SCEL: variants seen among roughly 807,000 people sequenced by gnomAD.
The protein encoded by SCEL is sciellin.
Under a neutral mutation model 117.6 loss-of-function variants are expected in SCEL, and 113 were observed. The observed-to-expected ratio is 0.96, with a 90% CI of 0.83 to 1.12. The LOEUF (loss-of-function observed/expected upper bound fraction) is 1.12. SCEL is among the 50% of genes most tolerant of loss of function. The probability of loss-of-function intolerance (pLI) is 0.00; values close to 1 mark genes in which losing one functional copy is unlikely to be tolerated. For synonymous variants in SCEL, 270 were observed against 256.2 expected (o/e 1.05, Z -0.51); for missense variants, 785 against 810.8 (o/e 0.97, Z 0.39).
intron 12 of SCEL, among the ~76,000 whole-genome samples, chr13:77,595,972 G>C (rs962070109): frequency 1.3e-5 from 2 of 148,462 alleles, no homozygotes; most frequent in South Asian, 2.1e-4. Flanking sequence ...CTTAGCAATT[G>C]CATCTCTCTC....
chr13:77,620,698 T>C (rs1315143204), intron 27 of SCEL, among the ~76,000 whole-genome samples: 1 of 152,188 alleles, frequency 6.6e-6, no homozygotes, highest in Admixed American at 6.5e-5. Context: ...TGTGTTAGAC[T>C]GATTATTAAA....
At chr13:77,585,785 C>G (rs532359537) in intron 9 of SCEL, among the ~76,000 whole-genome samples, 146 of 152,310 alleles carry the variant, frequency 9.6e-4, no homozygotes, top group Non-Finnish European at 1.7e-3. Flanking sequence ...AACCCTTCCA[C>G]TCCACCTTGC....
chr13:77,634,003 G>C (rs1458456576), intron 28 of SCEL, among the ~76,000 whole-genome samples: 1 of 152,118 alleles, frequency 6.6e-6, no homozygotes, highest in Non-Finnish European at 1.5e-5. Context: ...AGCTAATTAA[G>C]GTCTACTTTT....
chr13:77,603,648 C>A (rs997743241), intron 18 of SCEL, among the ~76,000 whole-genome samples: 22 of 152,282 alleles, frequency 1.4e-4, no homozygotes, highest in African/African-American at 5.3e-4. Flanking sequence ...TCTGTCTTCC[C>A]CTCCTGTCCC....
intron 1 of SCEL, among the ~76,000 whole-genome samples, chr13:77,536,645 C>A (rs2083434168): frequency 6.6e-6 from 1 of 152,202 alleles, no homozygotes. Flanking sequence ...TAATTAATAG[C>A]TAAGCTGACT....
At chr13:77,612,304 A>G (rs1026324607) in intron 22 of SCEL, among the ~76,000 whole-genome samples, 2 of 152,156 alleles carry the variant, frequency 1.3e-5, no homozygotes, top group Admixed American at 6.5e-5. Context: ...CATAAATTCT[A>G]TAAACTGAGG....
At chr13:77,539,091 A>G (rs2083562844) in intron 1 of SCEL, among the ~76,000 whole-genome samples, 1 of 152,206 alleles carries the variant, frequency 6.6e-6, no homozygotes, top group Non-Finnish European at 1.5e-5. Flanking sequence ...AGAAATTTAT[A>G]TACAAATGCA....
chr13:77,619,985 T>G (rs1241628742), intron 27 of SCEL, among the ~76,000 whole-genome samples: 2 of 152,156 alleles, frequency 1.3e-5, no homozygotes, highest in Non-Finnish European at 2.9e-5. Flanking sequence ...TGGTAGAAAG[T>G]TAGTTTGTAT....
At position 77,612,896 on chromosome 13, in the gene SCEL, A is replaced by G. The variant is rs1289115084; in HGVS notation, c.1343A>G (p.Gln448Arg). Residue 448 changes from glutamine (Q) to arginine (R), a missense_variant, in exon 23 of 33, where the codon CAA (glutamine) becomes CGA (arginine). Gln to Arg is a conservative substitution (Grantham distance 43). Coordinates refer to ENST00000349847, the MANE Select transcript of SCEL (RefSeq NM_144777.3). ...PERNRTNQGN[Q>R]DLENLIKVIP... ...GAAACTTAACATTTTTTTAGGAACC[A>G]AGACTTGGAAAATCTTATCAAAGTG... The G allele has an allele frequency of 6.4e-7, 1 of 1,552,786 alleles. No individual in the cohort carries two copies. Among genetic ancestry groups the G allele is most frequent in the South Asian group, 1.2e-5 (1 of 81,432 alleles).
chr13:77,639,237 T>G (rs1233552370), intron 30 of SCEL, among the ~76,000 whole-genome samples: 1 of 152,170 alleles, frequency 6.6e-6, no homozygotes, highest in Non-Finnish European at 1.5e-5. Flanking sequence ...ATGGGAAATT[T>G]AAGTGTATGC....
chr13:77,561,449 A>G (rs1249969642), intron 4 of SCEL, among the ~76,000 whole-genome samples: 2 of 152,208 alleles, frequency 1.3e-5, no homozygotes, highest in African/African-American at 2.4e-5. Context: ...CTCTTGACCT[A>G]TAACTAACAT....
Position 77,615,406 on chromosome 13 carries a change from A to T in SCEL, c.1451+1451A>T, listed in dbSNP as rs113335388. 5.2e-3 allele frequency among the ~76,000 whole-genome samples: 788 copies of T among 152,272 alleles called. 9 individuals are homozygous for T. The highest frequency in any genetic ancestry group is 0.018 in the African/African-American group (750 of 41,578). On this transcript the variant is annotated intron_variant, in intron 24 of 32. Coordinates refer to ENST00000349847, the MANE Select transcript of SCEL (RefSeq NM_144777.3). ...GGAAAATAGCAAAGGCTGTAAAGAT[A>T]GGAGTGTTGCTCTTGCTGTGGGATG...
Position 77,602,643 on chromosome 13 carries a change from T to C in SCEL, c.978-11T>C, listed in dbSNP as rs753564886. 6.2e-7 allele frequency: 1 copy of C among 1,613,190 alleles called. No individual in the cohort carries two copies. The highest frequency in any genetic ancestry group is 8.5e-7 in the Non-Finnish European group (1 of 1,179,310). ...TAACCTAACTGACAAGTTTTGGTGT[T>C]TTTTCCAAAGAAGACAAAATCTCGA... On this transcript the variant is annotated splice_polypyrimidine_tract_variant and intron_variant, in intron 16 of 32. Transcript: ENST00000349847.
intron 3 of SCEL, among the ~76,000 whole-genome samples, chr13:77,558,819 CAAAAAAAAAAAAA>C (rs58052726): frequency 7.8e-5 from 7 of 89,740 alleles, no homozygotes; most frequent in Non-Finnish European, 1.4e-4. Context: ...CTCTGTCTTA[CAAAAAAAAAAAAA>C]AAAAAAAAGG....
chr13:77,577,355 G>C (rs970607425), intron 9 of SCEL, among the ~76,000 whole-genome samples: 4 of 152,128 alleles, frequency 2.6e-5, no homozygotes, highest in Non-Finnish European at 1.5e-5. Flanking sequence ...GGAGAAGCAG[G>C]GACCTTCTTC....
intron 9 of SCEL, among the ~76,000 whole-genome samples, chr13:77,583,703 C>A (rs187179877): frequency 2.0e-5 from 3 of 152,260 alleles, no homozygotes; most frequent in Admixed American, 2.0e-4. Flanking sequence ...CCTGGCTAAG[C>A]ACAATAGAAA....
chr13:77,620,275 G>A (rs1323455143), intron 27 of SCEL, among the ~76,000 whole-genome samples: 1 of 152,126 alleles, frequency 6.6e-6, no homozygotes, highest in African/African-American at 2.4e-5. Context: ...TCAGCCACCC[G>A]TATCTGTAAT....
At chr13:77,613,810 A>C (rs552392770) in intron 23 of SCEL, 83 bp from the exon 24 acceptor site, 2 of 1,023,794 alleles carry the variant, frequency 2.0e-6, no homozygotes, top group Non-Finnish European at 3.1e-6. Flanking sequence ...TTACACTAGG[A>C]TTCTATTGAA....
chr13:77,546,217 T>C (rs1198941282), intron 1 of SCEL, among the ~76,000 whole-genome samples: 1 of 152,182 alleles, frequency 6.6e-6, no homozygotes, highest in East Asian at 1.9e-4. Context: ...TCTCACCTGC[T>C]CTCCCATGAT....
Sources: allele counts gnomAD v4.1 joint callset (sites outside exome capture counted in the v4.1 genomes callset), GRCh38; gene constraint gnomAD v4.1.1; transcripts MANE v1.5; gene names NCBI Gene and HGNC (gene_info 2026-07-23, HGNC 2026-07-21).